LRMDA: variants seen among roughly 807,000 people sequenced by gnomAD.
LRMDA encodes leucine-rich melanocyte differentiation-associated protein.
A neutral mutation model predicts 29.8 loss-of-function variants in LRMDA; 18 were observed. That is an observed-to-expected ratio of 0.60 (90% CI 0.42 to 0.90). LRMDA has a LOEUF of 0.90. Ranked by LOEUF, LRMDA falls within the 40% of genes least tolerant of loss-of-function variation. The pLI is 0.00. For missense variants in LRMDA, 273 were observed against 273.9 expected (o/e 1.00, Z 0.02); for synonymous variants, 125 against 109.4 (o/e 1.14, Z -0.89).
At chr10:75,645,879 G>T (rs1422668353) in intron 2 of LRMDA, among the ~76,000 whole-genome samples, 2 of 152,000 alleles carry the variant, frequency 1.3e-5, no homozygotes, top group African/African-American at 4.8e-5. Flanking sequence ...ATCCTTCTCT[G>T]TGTCCTGCCT....
chr10:76,134,301 C>T (rs1368084602), intron 5 of LRMDA, among the ~76,000 whole-genome samples: 1 of 151,958 alleles, frequency 6.6e-6, no homozygotes, highest in African/African-American at 2.4e-5. Flanking sequence ...CGGTGATATT[C>T]ATGGTTTTAT....
At chr10:75,782,055 G>A (rs1392334683) in intron 2 of LRMDA, among the ~76,000 whole-genome samples, 1 of 152,210 alleles carries the variant, frequency 6.6e-6, no homozygotes, top group Non-Finnish European at 1.5e-5. Flanking sequence ...TGTGAAGCAT[G>A]TGAGAACCAA....
At chr10:76,213,853 T>C (rs1413705142) in intron 5 of LRMDA, among the ~76,000 whole-genome samples, 1 of 151,638 alleles carries the variant, frequency 6.6e-6, no homozygotes, top group Non-Finnish European at 1.5e-5. Context: ...CAGGAACAAT[T>C]TGAGCTAACC....
intron 5 of LRMDA, among the ~76,000 whole-genome samples, chr10:76,280,812 C>CT (rs1307671172): frequency 2.7e-5 from 4 of 148,988 alleles, no homozygotes; most frequent in African/African-American, 7.7e-5. Context: ...GGGAATGTGC[C>CT]TTAAAAAAAA....
Position 76,045,771 on chromosome 10 carries a change from G to A in LRMDA, c.259-1393G>A, listed in dbSNP as rs75598741. ...GGTTAGAGAAAGATTCAATTCCAGG[G>A]GAAAGGAAAACTGTTATGGTTGTCA... On this transcript the variant is annotated intron_variant, in intron 3 of 6. Transcript: ENST00000611255. 3.6e-3 allele frequency among the ~76,000 whole-genome samples: 546 copies of A among 152,200 alleles called. 5 individuals are homozygous for A. Among genetic ancestry groups the A allele is most frequent in the African/African-American group, 0.013 (525 of 41,528 alleles).
At chr10:76,551,959 C>T (rs144575282) in intron 6 of LRMDA, among the ~76,000 whole-genome samples, 4 of 152,292 alleles carry the variant, frequency 2.6e-5, no homozygotes, top group African/African-American at 9.6e-5. Context: ...CCTTCATCCC[C>T]TGCCTCCATC....
chr10:75,466,451 C>T (rs1844651437), intron 2 of LRMDA, among the ~76,000 whole-genome samples: 1 of 152,142 alleles, frequency 6.6e-6, no homozygotes, highest in Non-Finnish European at 1.5e-5. Context: ...TCTTCAGTTG[C>T]CCCCTGCTTT....
chr10:75,648,884 G>T (rs908474609), intron 2 of LRMDA, among the ~76,000 whole-genome samples: 6 of 152,180 alleles, frequency 3.9e-5, no homozygotes, highest in Non-Finnish European at 8.8e-5. Flanking sequence ...GATGTTCTGA[G>T]TAGTTGAAAA....
rs1393225913 is a variant in LRMDA, at chr10:75,852,658, T to C, written c.132-183350T>C. On this transcript the variant is annotated intron_variant, in intron 2 of 6. Transcript: ENST00000611255. Reference sequence around the variant, plus strand: ...CTATTCAGAGCTGACAAGGAAATTCTCTGTTGCCTATTGAGTGTGGGTGAC... The same window carrying C: ...CTATTCAGAGCTGACAAGGAAATTCCCTGTTGCCTATTGAGTGTGGGTGAC... 7.2e-5 allele frequency among the ~76,000 whole-genome samples: 11 copies of C among 152,178 alleles called. No homozygotes were observed. In the East Asian group the frequency reaches 2.1e-3, roughly 29 times the overall value.
chr10:75,812,897 G>T (rs2132273187), intron 2 of LRMDA, among the ~76,000 whole-genome samples: 1 of 152,282 alleles, frequency 6.6e-6, no homozygotes. Flanking sequence ...TATGTGATTA[G>T]ATCATTCCAT....
intron 1 of LRMDA, among the ~76,000 whole-genome samples, chr10:75,436,392 G>A (rs1256954024): frequency 6.6e-6 from 1 of 152,100 alleles, no homozygotes; most frequent in Non-Finnish European, 1.5e-5. Flanking sequence ...TGCAGGCTGG[G>A]GTGAATGGGA....
intron 2 of LRMDA, among the ~76,000 whole-genome samples, chr10:75,599,244 A>G (rs1840849169): frequency 6.6e-6 from 1 of 152,204 alleles, no homozygotes; most frequent in African/African-American, 2.4e-5. Context: ...CATGACAGCT[A>G]CAGCATTAGC....
intron 2 of LRMDA, among the ~76,000 whole-genome samples, chr10:75,572,339 C>A (rs541271511): frequency 4.9e-4 from 71 of 145,878 alleles, no homozygotes; most frequent in African/African-American, 1.7e-3. Flanking sequence ...TCTTTTTCAG[C>A]TTTTTTTTTT....
chr10:75,795,402 T>TAAATA (rs965691609), intron 2 of LRMDA, among the ~76,000 whole-genome samples: 31 of 127,220 alleles, frequency 2.4e-4, no homozygotes, highest in African/African-American at 6.9e-4. Flanking sequence ...CAAAAATAAA[T>TAAATA]AAATAAAATA....
chr10:75,721,281 G>T (rs1008270310), intron 2 of LRMDA, among the ~76,000 whole-genome samples: 3 of 152,170 alleles, frequency 2.0e-5, no homozygotes, highest in African/African-American at 7.2e-5. Flanking sequence ...AGTGGGGTCT[G>T]TGTGGGGATG....
intron 2 of LRMDA, among the ~76,000 whole-genome samples, chr10:75,690,676 G>C (rs1842133599): frequency 6.6e-6 from 1 of 151,738 alleles, no homozygotes; most frequent in African/African-American, 2.4e-5. Flanking sequence ...ATATCTTTTT[G>C]GCTGAACATG....
intron 2 of LRMDA, among the ~76,000 whole-genome samples, chr10:75,992,940 C>T (rs1354065314): frequency 6.6e-6 from 1 of 151,708 alleles, no homozygotes; most frequent in Admixed American, 6.6e-5. Flanking sequence ...AGGGTATAAT[C>T]TTAACATTTA....
intron 2 of LRMDA, among the ~76,000 whole-genome samples, chr10:75,514,968 A>T (rs1033753806): frequency 1.3e-5 from 2 of 152,194 alleles, no homozygotes; most frequent in African/African-American, 4.8e-5. Context: ...TCTGGGTAGC[A>T]GAAAAAAGCA....
chr10:75,642,880 T>A (rs993077133), intron 2 of LRMDA: 3 of 152,134 alleles, frequency 2.0e-5, no homozygotes, highest in African/African-American at 7.2e-5. Context: ...AATCTAGGGA[T>A]TTGAAACAAG....
Sources: allele counts gnomAD v4.1 joint callset (sites outside exome capture counted in the v4.1 genomes callset), GRCh38; gene constraint gnomAD v4.1.1; transcripts MANE v1.5; gene names NCBI Gene and HGNC (gene_info 2026-07-23, HGNC 2026-07-21).